BAIAP2: variants seen among roughly 807,000 people sequenced by gnomAD.
BAIAP2 encodes BAR/IMD domain containing adaptor protein 2, also known as BAR/IMD domain-containing adapter protein 2.
Under a neutral mutation model 63.0 loss-of-function variants are expected in BAIAP2, and 18 were observed. The observed-to-expected ratio is 0.29, with a 90% CI of 0.20 to 0.42. The LOEUF (loss-of-function observed/expected upper bound fraction) is 0.42. Ranked by LOEUF, BAIAP2 falls within the 10% of genes least tolerant of loss-of-function variation. The probability of loss-of-function intolerance (pLI) is 1.00; values close to 1 mark genes in which losing one functional copy is unlikely to be tolerated. For synonymous variants in BAIAP2, 386 were observed against 307.6 expected (o/e 1.25, Z -2.67); for missense variants, 610 against 734.3 (o/e 0.83, Z 1.96).
chr17:81,066,693 G>A (rs1212623198), intron 3 of BAIAP2, among the ~76,000 whole-genome samples: 3 of 152,328 alleles, frequency 2.0e-5, no homozygotes, highest in South Asian at 2.1e-4. Context: ...AGTGGCTCCC[G>A]TTGGCCAAAG....
chr17:81,072,159 G>T (rs1328753901), intron 3 of BAIAP2, among the ~76,000 whole-genome samples: 7 of 152,210 alleles, frequency 4.6e-5, no homozygotes, highest in African/African-American at 1.4e-4. Flanking sequence ...GGGAGGGTGG[G>T]CTGGGCCATC....
rs575925666 is a variant in BAIAP2 at position 81,035,186 on chromosome 17, C to G, written c.-69C>G. The G allele has an allele frequency of 5.3e-6, 7 of 1,314,484 alleles. No individual in the cohort carries two copies. Among genetic ancestry groups the G allele is most frequent in the African/African-American group, 4.7e-5 (3 of 64,508 alleles). The allele number at this position is 1,314,484 out of a possible 1,614,324, so 81.4% of individuals were successfully genotyped here. A position where few individuals can be genotyped will look rare whatever the true frequency, so the allele number is the denominator to read the frequency against. ...TCCGCTTTCGTCTCCGTCCTGCTGC[C>G]GTTACCGCCGCTGCTGCCGCCGCTT... On this transcript the variant is annotated 5_prime_UTR_variant, in exon 1 of 14. Transcript: ENST00000428708.
At chr17:81,096,101 TC>T (rs2057571417) in intron 6 of BAIAP2, among the ~76,000 whole-genome samples, 1 of 152,144 alleles carries the variant, frequency 6.6e-6, no homozygotes. Context: ...GGGTGACCAC[TC>T]CAAGCAGCAC....
rs917944065 is a variant in BAIAP2, at chr17:81,082,514, G to A, written c.218-2318G>A. The stretch of plus-strand genomic sequence containing the variant: ...TGTGCGTCCCCCACCCCTGCCCTGC[G>A]GTGGATGGGATCCTGCCAGCCCTGG... On this transcript the variant is annotated intron_variant, in intron 3 of 13. Transcript: ENST00000428708. Among the ~76,000 whole-genome samples, 18 of 152,328 alleles carry A rather than the reference G, an allele frequency of 1.2e-4. No homozygotes were observed. In the South Asian group the frequency reaches 1.7e-3, roughly 14 times the overall value.
chr17:81,077,655 T>C (rs1368250130), intron 3 of BAIAP2, among the ~76,000 whole-genome samples: 1 of 152,210 alleles, frequency 6.6e-6, no homozygotes, highest in Non-Finnish European at 1.5e-5. Flanking sequence ...GGACGGATGC[T>C]TGGGCTTCCC....
intron 6 of BAIAP2, among the ~76,000 whole-genome samples, chr17:81,088,964 C>T (rs1377063109): frequency 1.3e-5 from 2 of 152,250 alleles, no homozygotes; most frequent in African/African-American, 4.8e-5. Flanking sequence ...GTGGCCCTGC[C>T]GCACCAGCTC....
chr17:81,086,654 A>C lies in BAIAP2; in HGVS notation c.489+74A>C, dbSNP rs2055700932. On this transcript the variant is annotated intron_variant, in intron 6 of 13. Transcript: ENST00000428708. ...GCTCACCCCTCGGCCCCCCTCGTCC[A>C]CAGGGAGTGGACAGCAGCCCCCCAG... 10 of 1,566,442 alleles carry C rather than the reference A, an allele frequency of 6.4e-6. No homozygotes were observed. The South Asian group carries it at 1.0e-4, about 16-fold the overall frequency.
At chr17:81,071,656 G>A (rs1014159539) in intron 3 of BAIAP2, among the ~76,000 whole-genome samples, 9 of 152,210 alleles carry the variant, frequency 5.9e-5, no homozygotes, top group African/African-American at 1.4e-4. Context: ...CTGACCACTC[G>A]GTAGCAGCGC....
chr17:81,105,710 C>T (rs1033083972), intron 10 of BAIAP2: 2 of 226,044 alleles, frequency 8.8e-6, no homozygotes, highest in African/African-American at 2.3e-5. Flanking sequence ...GGGGGTCTCC[C>T]AGGAGGCTGC....
rs2049858225 is a variant in BAIAP2, at chr17:81,057,893, C to T, written c.143C>T (p.Ala48Val). The change falls in exon 3 of 14, where the codon GCA becomes GTA. Residue 48 changes from alanine (A) to valine (V), a missense_variant. Transcript: ENST00000428708. Reference sequence around the variant, plus strand: ...TCTTCTCTCTCAGGTGTGACGTATGCAGCCAAAGGCTACTTTGACGCCCTG... The same window carrying T: ...TCTTCTCTCTCAGGTGTGACGTATGTAGCCAAAGGCTACTTTGACGCCCTG... ...YEKALAGVTY[A>V]AKGYFDALVK... 12 of 1,607,714 alleles carry T rather than the reference C, an allele frequency of 7.5e-6. No homozygotes were observed. The highest frequency in any genetic ancestry group is 1.0e-5 in the Non-Finnish European group (12 of 1,177,610).
At chr17:81,105,089 C>T (rs1385100351) in intron 10 of BAIAP2, 2 of 182,942 alleles carry the variant, frequency 1.1e-5, no homozygotes, top group East Asian at 1.7e-4. Flanking sequence ...GGTCTCCCCC[C>T]AGCGGCAGGG....
At chr17:81,044,203 C>G (rs950348531) in intron 1 of BAIAP2, among the ~76,000 whole-genome samples, 1 of 152,234 alleles carries the variant, frequency 6.6e-6, no homozygotes, top group Non-Finnish European at 1.5e-5. Flanking sequence ...ACGGTTGCTC[C>G]TCCAGCCGTG....
chr17:81,061,526 G>A (rs548926662), intron 3 of BAIAP2, among the ~76,000 whole-genome samples: 16 of 152,284 alleles, frequency 1.1e-4, no homozygotes, highest in African/African-American at 3.6e-4. Flanking sequence ...ACCATACGGC[G>A]TGTCTTCTTT....
intron 1 of BAIAP2, among the ~76,000 whole-genome samples, chr17:81,049,532 C>T (rs2048340306): frequency 6.6e-6 from 1 of 152,214 alleles, no homozygotes. Flanking sequence ...ACAGACTTTC[C>T]CGATCTCCTC....
At chr17:81,089,378 C>T (rs938969037) in intron 6 of BAIAP2, among the ~76,000 whole-genome samples, 6 of 152,212 alleles carry the variant, frequency 3.9e-5, no homozygotes, top group African/African-American at 1.2e-4. Context: ...CTGGCGGTGA[C>T]TCGAGGGGCC....
At chr17:81,081,796 A>G (rs1040469077) in intron 3 of BAIAP2, among the ~76,000 whole-genome samples, 7 of 152,110 alleles carry the variant, frequency 4.6e-5, no homozygotes, top group Non-Finnish European at 8.8e-5. Flanking sequence ...AGGCCACCGC[A>G]GTGGTGCAGC....
chr17:81,108,818 CTG>C, intron 13 of BAIAP2: 3 of 1,285,134 alleles, frequency 2.3e-6, no homozygotes, highest in South Asian at 1.5e-5. Context: ...CTGCCCCAAT[CTG>C]TGCTCCGCCC....
At chr17:81,084,421 A>G (rs2055197506) in intron 3 of BAIAP2, among the ~76,000 whole-genome samples, 3 of 152,186 alleles carry the variant, frequency 2.0e-5, no homozygotes, top group Non-Finnish European at 4.4e-5. Context: ...GTGTGGGGTC[A>G]GCAGACTGTC....
At chr17:81,114,915 C>T (rs1029518276) in intron 13 of BAIAP2, among the ~76,000 whole-genome samples, 7 of 152,222 alleles carry the variant, frequency 4.6e-5, no homozygotes, top group African/African-American at 9.7e-5. Context: ...AGTCCAAGCA[C>T]AGCTTTGCCA....
Sources: gnomAD v4.1 joint callset for allele counts (sites outside exome capture counted in the v4.1 genomes callset) on GRCh38, gnomAD v4.1.1 for gene constraint, MANE v1.5 for transcripts, NCBI Gene and HGNC (gene_info 2026-07-23, HGNC 2026-07-21) for gene names.